Variants in COL19A1 observed in about 807,000 individuals in gnomAD.
COL19A1 encodes collagen type XIX alpha 1 chain.
A neutral mutation model predicts 190.2 loss-of-function variants in COL19A1; 159 were observed. The observed-to-expected ratio is 0.84, with a 90% confidence interval of 0.73 to 0.95. The LOEUF (loss-of-function observed/expected upper bound fraction) is 0.95, where lower values mean the gene tolerates loss of function less well. COL19A1 is among the 40% of genes least tolerant of loss of function. The pLI, the probability that COL19A1 is intolerant of heterozygous loss-of-function variation, is 0.00. For synonymous variants in COL19A1, 509 were observed against 458.9 expected (o/e 1.11, Z -1.39); for missense variants, 1,418 against 1,431.9 (o/e 0.99, Z 0.16).
At chr6:70,154,750 C>T (rs1236006442) in intron 31 of COL19A1, among the ~76,000 whole-genome samples, 2 of 152,150 alleles carry the variant, frequency 1.3e-5, no homozygotes, top group African/African-American at 4.8e-5. Flanking sequence ...GGCCTGAGAG[C>T]CCCTGGCAAA....
chr6:70,104,945 C>T (rs72916705), intron 16 of COL19A1, among the ~76,000 whole-genome samples: 21,971 of 152,090 alleles, frequency 0.14, 1,663 homozygotes, highest in Non-Finnish European at 0.16. Context: ...GATTAAAAAA[C>T]ATGTGACTGT....
intron 2 of COL19A1, among the ~76,000 whole-genome samples, chr6:69,881,340 T>G (rs903461737): frequency 2.0e-5 from 3 of 152,254 alleles, no homozygotes; most frequent in Non-Finnish European, 4.4e-5. Context: ...TTTGTTATTT[T>G]ATTTTATTGT....
chr6:70,146,084 C>G (rs964289315), intron 25 of COL19A1, among the ~76,000 whole-genome samples: 1 of 152,170 alleles, frequency 6.6e-6, no homozygotes, highest in East Asian at 1.9e-4. Flanking sequence ...TACATGCATA[C>G]AACATTTTGC....
At chr6:70,158,085 G>C (rs535038754) in intron 34 of COL19A1, among the ~76,000 whole-genome samples, 1 of 152,186 alleles carries the variant, frequency 6.6e-6, no homozygotes, top group South Asian at 2.1e-4. Flanking sequence ...GTTCCAGCAA[G>C]TTCAGGAGAT....
At chr6:70,135,931 A>G (rs1785838445) in intron 18 of COL19A1, among the ~76,000 whole-genome samples, 1 of 152,116 alleles carries the variant, frequency 6.6e-6, no homozygotes, top group South Asian at 2.1e-4. Flanking sequence ...TGTTGGTTCC[A>G]GCTGTTGTTA....
At chr6:70,069,197 G>A (rs956078574) in intron 15 of COL19A1, among the ~76,000 whole-genome samples, 2 of 152,100 alleles carry the variant, frequency 1.3e-5, no homozygotes, top group Non-Finnish European at 2.9e-5. Context: ...GTCAACTTCT[G>A]TTCCCTTGTT....
chr6:70,063,714 A>G (rs1780990710), intron 14 of COL19A1, among the ~76,000 whole-genome samples: 1 of 152,214 alleles, frequency 6.6e-6, no homozygotes, highest in East Asian at 1.9e-4. Context: ...GAAAAGATCA[A>G]CAGAATTGAT....
Position 70,168,550 on chromosome 6 carries a change from G to A in COL19A1, c.2542-105G>A, listed in dbSNP as rs897806542. The A allele has an allele frequency of 7.9e-5, 76 of 956,694 alleles. No homozygotes were observed. In the East Asian group the frequency reaches 2.0e-3, roughly 25 times the overall value. 59.3% of individuals were successfully genotyped at this position (956,694 alleles called of 1,614,324 possible). A position where few individuals can be genotyped will look rare whatever the true frequency, so the allele number is the denominator to read the frequency against. ...TCAAACTGTAATTAAAGCAAAACTT[G>A]CTAATATTCGTATGTGTATTAAGGC... On this transcript the variant is annotated intron_variant, in intron 39 of 50. Coordinates refer to ENST00000620364, the MANE Select transcript of COL19A1 (RefSeq NM_001858.6).
chr6:70,129,333 G>T (rs1340560226), intron 17 of COL19A1, among the ~76,000 whole-genome samples: 4 of 152,180 alleles, frequency 2.6e-5, no homozygotes, highest in Non-Finnish European at 5.9e-5. Context: ...AAGTGTTAAA[G>T]AAATTGGCCA....
chr6:70,029,532 A>G (rs1242774525), intron 12 of COL19A1, among the ~76,000 whole-genome samples: 1 of 152,160 alleles, frequency 6.6e-6, no homozygotes, highest in African/African-American at 2.4e-5. Context: ...CTTTATGCCT[A>G]TGGTGAGTGC....
At chr6:69,980,060 A>C (rs1226145857) in intron 11 of COL19A1, among the ~76,000 whole-genome samples, 1 of 152,030 alleles carries the variant, frequency 6.6e-6, no homozygotes, top group Admixed American at 6.6e-5. Flanking sequence ...AAGTTGGTAA[A>C]ATTTTTTAAA....
intron 7 of COL19A1, among the ~76,000 whole-genome samples, chr6:69,935,896 T>A (rs1185208148): frequency 6.6e-6 from 1 of 152,058 alleles, no homozygotes; most frequent in Admixed American, 6.6e-5. Context: ...AGAAAATAAA[T>A]ATCAATCATG....
chr6:70,023,449 G>A (rs1035070107), intron 11 of COL19A1, among the ~76,000 whole-genome samples, 178 bp from the exon 12 acceptor site: 4 of 152,048 alleles, frequency 2.6e-5, no homozygotes, highest in Admixed American at 6.6e-5. Context: ...GCTTTTCTTC[G>A]AACTTTTAAA....
chr6:69,962,236 T>A (rs6903421), intron 10 of COL19A1, among the ~76,000 whole-genome samples: 33,516 of 152,096 alleles, frequency 0.22, 6,263 homozygotes, highest in African/African-American at 0.5. Flanking sequence ...TTTAGTATAA[T>A]CATGGTGATT....
At chr6:69,950,826 T>C (rs1774085014) in intron 9 of COL19A1, among the ~76,000 whole-genome samples, 1 of 151,820 alleles carries the variant, frequency 6.6e-6, no homozygotes, top group African/African-American at 2.4e-5. Flanking sequence ...TCAAATCATG[T>C]TTGTTTTCAT....
intron 44 of COL19A1, among the ~76,000 whole-genome samples, chr6:70,181,088 GCTGTTTGCTAAGAATGTGCT>G (rs1390327239): frequency 6.6e-6 from 1 of 152,180 alleles, no homozygotes; most frequent in African/African-American, 2.4e-5. Context: ...TCTAGTCACT[GCTGTTTGCTAAGAATGTGCT>G]GGGCCCTTAG....
intron 14 of COL19A1, among the ~76,000 whole-genome samples, chr6:70,049,638 T>G (rs1210478202): frequency 6.6e-6 from 1 of 152,022 alleles, no homozygotes; most frequent in Non-Finnish European, 1.5e-5. Flanking sequence ...AATTATGCAT[T>G]TTAAACCTCA....
chr6:69,969,917 G>A (rs1775324787), intron 11 of COL19A1, among the ~76,000 whole-genome samples: 1 of 152,146 alleles, frequency 6.6e-6, no homozygotes, highest in Admixed American at 6.5e-5. Context: ...CAAGGTGAAG[G>A]CAGGGATCCA....
At chr6:70,098,340 C>T (rs1783412844) in intron 15 of COL19A1, 1 of 461,088 alleles carries the variant, frequency 2.2e-6, no homozygotes, top group Non-Finnish European at 4.4e-6. Context: ...ACAGTTAGCT[C>T]CTTTTTTAAA....
Sources: allele counts gnomAD v4.1 joint callset (sites outside exome capture counted in the v4.1 genomes callset), GRCh38; gene constraint gnomAD v4.1.1; transcripts MANE v1.5; gene names NCBI Gene and HGNC (gene_info 2026-07-23, HGNC 2026-07-21).